PLCE1: variants seen among roughly 807,000 people sequenced by gnomAD.
PLCE1 encodes the protein 1-phosphatidylinositol 4,5-bisphosphate phosphodiesterase epsilon-1.
PLCE1 carries 119 observed loss-of-function variants against 242.8 expected under a neutral mutation model. The ratio of observed to expected loss-of-function variants is 0.49; its 90% CI spans 0.42 to 0.57. PLCE1 has a LOEUF of 0.57. Ranked by LOEUF, PLCE1 falls within the 20% of genes least tolerant of loss-of-function variation. The pLI is 0.00. For missense variants in PLCE1, 2,441 were observed against 2,788.8 expected, an observed-to-expected ratio of 0.88 and a Z score of 2.81; for synonymous variants, 945 against 1,017.4, an observed-to-expected ratio of 0.93 and a Z score of 1.35.
chr10:94,252,486 A>C lies in PLCE1; in HGVS notation c.3267A>C (p.Lys1089Asn), dbSNP rs755738108. Residue 1089 changes from lysine to asparagine, a missense_variant, in exon 9 of 33, where the codon AAA becomes AAC. Lys to Asn is a moderately conservative substitution (Grantham distance 94, BLOSUM62 0). This residue lies in a region of PLCE1 where 1,004 missense variants were observed against 1,322.7 expected (regional missense o/e 0.76). Coordinates refer to ENST00000371380, the MANE Select transcript of PLCE1 (RefSeq NM_016341.4). ...LGISTTKKKK[K>N]ILMRGESGEV... ...TAAGCACTACCAAGAAAAAGAAGAA[A>C]ATCCTCATGAGGGTAGAGTGTTATT... The C allele has an allele frequency of 6.2e-7, 1 of 1,613,278 alleles. No homozygotes were observed. The highest frequency in any genetic ancestry group is 8.5e-7 in the Non-Finnish European group (1 of 1,179,578).
chr10:94,223,360 G>A (rs1210310602), intron 4 of PLCE1, among the ~76,000 whole-genome samples: 1 of 152,160 alleles, frequency 6.6e-6, no homozygotes, highest in Non-Finnish European at 1.5e-5. Context: ...GGATATAGGG[G>A]AGAGGTGAGG....
At chr10:94,241,996 CT>C (rs1368475423) in intron 7 of PLCE1, among the ~76,000 whole-genome samples, 2 of 152,014 alleles carry the variant, frequency 1.3e-5, no homozygotes, top group African/African-American at 4.8e-5. Context: ...TGAGCATTGT[CT>C]TTTTGCCATC....
At chr10:94,307,905 A>C (rs1191850579) in intron 26 of PLCE1, among the ~76,000 whole-genome samples, 1 of 152,206 alleles carries the variant, frequency 6.6e-6, no homozygotes, top group Non-Finnish European at 1.5e-5. Flanking sequence ...TAGAAACAAA[A>C]ACAATTTTTT....
At chr10:94,297,334 G>T (rs545141515) in intron 23 of PLCE1, among the ~76,000 whole-genome samples, 18 of 152,222 alleles carry the variant, frequency 1.2e-4, no homozygotes, top group Admixed American at 1.1e-3. Flanking sequence ...GGGTAGAGCA[G>T]TCAGAGCACG....
chr10:94,146,209 A>C (rs900869284), intron 3 of PLCE1, among the ~76,000 whole-genome samples: 3 of 152,146 alleles, frequency 2.0e-5, no homozygotes, highest in Admixed American at 6.5e-5. Flanking sequence ...TCCCTGGATT[A>C]GGAATTGGGT....
chr10:94,171,168 G>T lies in PLCE1; in HGVS notation c.1493-12G>T. On this transcript the variant is annotated splice_polypyrimidine_tract_variant and intron_variant, in intron 3 of 32. Transcript: ENST00000371380. ...ATTTGATGTAACCACGACTTCTGTTGCTTTGTTTTAGAACGCCAGCCAGGC... is the reference window on the plus strand; with the variant it reads ...ATTTGATGTAACCACGACTTCTGTTTCTTTGTTTTAGAACGCCAGCCAGGC... The T allele has an allele frequency of 6.2e-7, 1 of 1,613,028 alleles. No individual in the cohort carries two copies. Among genetic ancestry groups the T allele is most frequent in the Non-Finnish European group, 8.5e-7 (1 of 1,179,048 alleles).
At chr10:94,156,993 C>CT (rs1044158222) in intron 3 of PLCE1, among the ~76,000 whole-genome samples, 6 of 151,780 alleles carry the variant, frequency 4.0e-5, no homozygotes, top group Admixed American at 1.3e-4. Context: ...TAAGAACAGC[C>CT]TTTTTTTGGT....
intron 1 of PLCE1, among the ~76,000 whole-genome samples, chr10:94,028,313 C>A (rs1005553629): frequency 6.6e-6 from 1 of 152,142 alleles, no homozygotes; most frequent in Non-Finnish European, 1.5e-5. Flanking sequence ...GCTGGAGGAT[C>A]CGCTTCCAAG....
At chr10:94,145,247 G>T (rs1337751394) in intron 3 of PLCE1, among the ~76,000 whole-genome samples, 1 of 152,156 alleles carries the variant, frequency 6.6e-6, no homozygotes, top group Non-Finnish European at 1.5e-5. Context: ...TCGAGGAGTT[G>T]GGAAAAGGAG....
intron 2 of PLCE1, chr10:94,094,525 C>T (rs1324577667): frequency 1.3e-5 from 2 of 152,180 alleles, no homozygotes; most frequent in Non-Finnish European, 2.9e-5. Flanking sequence ...TGAAGGAAGA[C>T]TGCCTAGAGG....
intron 29 of PLCE1, among the ~76,000 whole-genome samples, chr10:94,320,401 G>A (rs544404514): frequency 1.8e-4 from 27 of 152,284 alleles, no homozygotes; most frequent in African/African-American, 6.3e-4. Flanking sequence ...TGATTGCAAA[G>A]TTAATTAAAT....
At chr10:94,007,341 G>A (rs2061058432) in intron 1 of PLCE1, among the ~76,000 whole-genome samples, 1 of 152,106 alleles carries the variant, frequency 6.6e-6, no homozygotes, top group South Asian at 2.1e-4. Context: ...GGGAGGGGAT[G>A]GCCAAGGAGT....
intron 2 of PLCE1, among the ~76,000 whole-genome samples, chr10:94,034,017 C>T (rs1392269162): frequency 6.6e-6 from 1 of 152,062 alleles, no homozygotes; most frequent in African/African-American, 2.4e-5. Flanking sequence ...CTCACAGTTC[C>T]ACATGGTTGG....
At position 94,325,285 on chromosome 10, in the gene PLCE1, T is replaced by C. The variant is rs115483893; in HGVS notation, c.*24+181T>C. 14,626 of 578,644 alleles carry C rather than the reference T, an allele frequency of 0.025. 221 individuals carry two copies. Among genetic ancestry groups the C allele is most frequent in the African/African-American group, 0.047 (2,510 of 53,622 alleles). 35.8% of individuals were successfully genotyped at this position (578,644 alleles called of 1,614,324 possible). On this transcript the variant is annotated intron_variant, in intron 32 of 32. Transcript: ENST00000371380. ...AAGATATGTGTAACATGATATGCTA[T>C]TGAACACCGCCTATAAAGAAAAAGG...
chr10:94,055,004 T>G, intron 2 of PLCE1, among the ~76,000 whole-genome samples: 1 of 111,234 alleles, frequency 9.0e-6, no homozygotes, highest in Non-Finnish European at 1.7e-5. Context: ...AGAGCGAGAC[T>G]CCATCTCAAA....
intron 2 of PLCE1, among the ~76,000 whole-genome samples, chr10:94,050,360 T>A (rs140160102): frequency 2.0e-5 from 3 of 152,226 alleles, no homozygotes; most frequent in African/African-American, 7.2e-5. Flanking sequence ...TCAGATCTTA[T>A]GAGAACTTAT....
chr10:94,157,899 G>A (rs536843782), intron 3 of PLCE1, among the ~76,000 whole-genome samples: 46 of 152,226 alleles, frequency 3.0e-4, no homozygotes, highest in African/African-American at 1.1e-3. Flanking sequence ...ATCTCAGTGT[G>A]ATGTTCAGCA....
intron 3 of PLCE1, among the ~76,000 whole-genome samples, chr10:94,154,895 C>CATAT (rs56833534): frequency 7.5e-4 from 109 of 144,646 alleles, no homozygotes; most frequent in African/African-American, 2.6e-3. Context: ...TATATATATA[C>CATAT]ATATATATAT....
chr10:94,276,778 A>G (rs1257746208), intron 19 of PLCE1, among the ~76,000 whole-genome samples: 1 of 152,190 alleles, frequency 6.6e-6, no homozygotes, highest in Non-Finnish European at 1.5e-5. Flanking sequence ...TTTGTCAGCT[A>G]TCACCTTGAC....
Sources: gnomAD v4.1 joint callset for allele counts (sites outside exome capture counted in the v4.1 genomes callset) on GRCh38, gnomAD v4.1.1 for gene constraint, gnomAD v4.1.1 regional missense constraint, MANE v1.5 for transcripts, NCBI Gene and HGNC (gene_info 2026-07-23, HGNC 2026-07-21) for gene names.